MICALL2: variants seen among roughly 807,000 people sequenced by gnomAD.
MICALL2 encodes MICAL like 2.
A neutral mutation model predicts 91.1 loss-of-function variants in MICALL2; 111 were observed. The ratio of observed to expected loss-of-function variants is 1.22; its 90% CI spans 1.04 to 1.43. The LOEUF (loss-of-function observed/expected upper bound fraction) is 1.43, where lower values mean the gene tolerates loss of function less well. MICALL2 is among the 40% of genes most tolerant of loss of function. MICALL2 has a pLI of 0.00. For synonymous variants in MICALL2, 694 were observed against 525.3 expected, an observed-to-expected ratio of 1.32 and a Z score of -4.39; for missense variants, 1,556 against 1,236.0, an observed-to-expected ratio of 1.26 and a Z score of -3.88.
intron 9 of MICALL2, 90 bp downstream of exon 9, chr7:1,439,835 G>T: frequency 2.6e-6 from 3 of 1,151,284 alleles, no homozygotes; most frequent in Non-Finnish European, 2.3e-6. Flanking sequence ...ACCCCAGGAG[G>T]TGGCACTACA....
At chr7:1,439,347 TGC>T in intron 9 of MICALL2, 1 of 260,948 alleles carries the variant, frequency 3.8e-6, no homozygotes, top group Non-Finnish European at 7.3e-6. Flanking sequence ...TGGACACACA[TGC>T]ATCACATTCA....
At chr7:1,437,284 G>A (rs1003271585) in intron 14 of MICALL2, 3 of 514,200 alleles carry the variant, frequency 5.8e-6, no homozygotes, top group Non-Finnish European at 1.0e-5. Flanking sequence ...CACAACAGCT[G>A]CGTGAGGTGG....
At position 1,434,571 on chromosome 7, in the gene MICALL2, G is replaced by A; in HGVS notation, c.*25C>T. 5 of 1,594,700 alleles carry A rather than the reference G, an allele frequency of 3.1e-6. No homozygotes were observed. Among genetic ancestry groups the A allele is most frequent in the Non-Finnish European group, 4.3e-6 (5 of 1,162,676 alleles). On this transcript the variant is annotated 3_prime_UTR_variant, in exon 17 of 17. Coordinates refer to ENST00000297508, the MANE Select transcript of MICALL2 (RefSeq NM_182924.4). ...GTCCAAGTCCGGATGCCAGGTCCGG[G>A]CCGAGCCCACGGCCCTACTGGCTAC...
At chr7:1,444,489 C>T (rs1176698007) in intron 6 of MICALL2, among the ~76,000 whole-genome samples, 163 bp downstream of exon 6, 3 of 152,220 alleles carry the variant, frequency 2.0e-5, no homozygotes, top group Non-Finnish European at 4.4e-5. Flanking sequence ...CACCCTGGCT[C>T]CTCCTCCCCA....
intron 10 of MICALL2, chr7:1,438,578 C>T: frequency 2.1e-6 from 3 of 1,422,880 alleles, no homozygotes; most frequent in Non-Finnish European, 1.8e-6. Context: ...AGGTCAGCAA[C>T]ACCCCAGCCA....
Position 1,447,688 on chromosome 7 carries a change from C to T in MICALL2, c.412G>A (p.Ala138Thr), listed in dbSNP as rs1207396347. The change falls in exon 4 of 17, where the codon GCG (alanine) becomes ACG (threonine). Residue 138 changes from alanine (A) to threonine (T), a missense_variant. Physicochemically the swap from Ala to Thr is moderately conservative, Grantham distance 58 (BLOSUM62 0). Transcript: ENST00000297508. ...EPSGKKAPVQ[A>T]AKLPSPAPAR... ...GGGGCGGGCGAGGGCAGCTTGGCCG[C>T]CTGGACTGGAGCCTTCTTCCCTGAC... The T allele has an allele frequency of 1.8e-5, 29 of 1,581,506 alleles. No individual in the cohort carries two copies. The Admixed American group carries it at 4.5e-4, about 25-fold the overall frequency.
At chr7:1,458,576 C>T (rs951243595) in intron 1 of MICALL2, among the ~76,000 whole-genome samples, 3 of 152,384 alleles carry the variant, frequency 2.0e-5, no homozygotes, top group East Asian at 3.9e-4. Context: ...ACGCCAAGAC[C>T]CTCCTGGGGA....
chr7:1,447,743 C>G lies in MICALL2; in HGVS notation c.357G>C (p.Lys119Asn). The G allele has an allele frequency of 6.4e-7, 1 of 1,552,398 alleles. No homozygotes were observed. Among genetic ancestry groups the G allele is most frequent in the African/African-American group, 1.4e-5 (1 of 73,470 alleles). ...RSPIGGMAGV[K>N]RASEDSEEEP... Reference sequence around the variant, plus strand: ...CCTCCTCAGAGTCCTCCGAGGCCCTCTTCACGCCTGCCATGCCCCCAACTG... The same window carrying G: ...CCTCCTCAGAGTCCTCCGAGGCCCTGTTCACGCCTGCCATGCCCCCAACTG... Residue 119 changes from lysine to asparagine, a missense_variant, in exon 4 of 17, where the codon AAG becomes AAC. By Grantham distance (94) the Lys-to-Asn change is moderately conservative. Coordinates refer to ENST00000297508, the MANE Select transcript of MICALL2 (RefSeq NM_182924.4).
rs80020804 is a variant in MICALL2, at chr7:1,444,951, C to T, written c.1119G>A (p.Pro373=). ...AVPPSAPDPR[P]ATPQGGGAPR... is the part of the protein sequence containing the mutation. ...GGGCTCCCCCACCCTGGGGTGTGGC[C>T]GGGCGAGGGTCTGGGGCACTCGGGG... is the stretch of plus-strand genomic sequence containing the variant. Residue 373 remains proline, a synonymous_variant, in exon 6 of 17, where the codon CCG becomes CCA. Transcript: ENST00000297508. The T allele has an allele frequency of 0.084, 127,140 of 1,509,982 alleles. 6,340 individuals carry two copies. Among genetic ancestry groups the T allele is most frequent in the Admixed American group, 0.23 (11,154 of 48,290 alleles). The allele number at this position is 1,509,982 out of a possible 1,614,324, so 93.5% of individuals were successfully genotyped here. A position where few individuals can be genotyped will look rare whatever the true frequency, so the allele number is the denominator to read the frequency against.
In MICALL2 at chr7:1,437,723, C is replaced by T. The variant is rs1011750556; in HGVS notation, c.2403-115G>A. 9.2e-6 allele frequency: 12 copies of T among 1,308,756 alleles called. No individual in the cohort carries two copies. The Admixed American group carries it at 1.0e-4, about 11-fold the overall frequency. 81.1% of individuals were successfully genotyped at this position (1,308,756 alleles called of 1,614,324 possible). ...ACACAGACACGAGTCTGAGGCCTGA[C>T]TCGCCGCCCGTCCCCCGCCTGGCCC... On this transcript the variant is annotated intron_variant, in intron 13 of 16. Transcript: ENST00000297508.
Position 1,442,300 on chromosome 7 carries a change from C to A in MICALL2, c.1603G>T (p.Gly535Cys). 6.2e-7 allele frequency: 1 copy of A among 1,613,166 alleles called. No individual in the cohort carries two copies. The highest frequency in any genetic ancestry group is 2.2e-5 in the East Asian group (1 of 44,886). The change falls in exon 7 of 17, where the codon GGC (glycine) becomes TGC (cysteine). Residue 535 changes from glycine to cysteine, a missense_variant. Coordinates refer to ENST00000297508, the MANE Select transcript of MICALL2 (RefSeq NM_182924.4). ...TSQASALPPAGRRNLAESSGV... is the reference protein window; with the variant it reads ...TSQASALPPACRRNLAESSGV... ...GAGGATTCCGCCAAGTTCCTCCTGC[C>A]TGCCGGGGGCAACGCGGATGCCTGA...
At chr7:1,454,577 C>G (rs988391425) in intron 1 of MICALL2, among the ~76,000 whole-genome samples, 1 of 152,178 alleles carries the variant, frequency 6.6e-6, no homozygotes, top group African/African-American at 2.4e-5. Context: ...GGTGGACAGG[C>G]AGCCCCCTCC....
chr7:1,435,227 G>A, intron 15 of MICALL2, 80 bp from the exon 16 acceptor site: 2 of 1,466,478 alleles, frequency 1.4e-6, no homozygotes, highest in South Asian at 1.1e-5. Context: ...GTCTCCAGCA[G>A]TGGCACCCCA....
At position 1,440,673 on chromosome 7, in the gene MICALL2, T is replaced by C; in HGVS notation, c.1723A>G (p.Ser575Gly). 2 of 1,611,806 alleles carry C rather than the reference T, an allele frequency of 1.2e-6. No individual in the cohort carries two copies. Among genetic ancestry groups the C allele is most frequent in the Non-Finnish European group, 8.5e-7 (1 of 1,179,758 alleles). ...STTLTQDMST[S>G]LQEGQEDGPA... ...CCGTCCTCCTGGCCTTCCTGGAGGC[T>C]GGTGCTCATGTCTGGGTGGGAGGCA... Residue 575 changes from serine to glycine, a missense_variant, in exon 8 of 17, where the codon AGC becomes GGC. Coordinates refer to ENST00000297508, the MANE Select transcript of MICALL2 (RefSeq NM_182924.4).
Position 1,438,832 on chromosome 7 carries a change from G to T in MICALL2, c.2122+8C>A. On this transcript the variant is annotated splice_region_variant and intron_variant, in intron 10 of 16. Transcript: ENST00000297508. The stretch of plus-strand genomic sequence containing the variant: ...ACCCCAAACAGCAGCGGTGTCTCTG[G>T]GGCTGACCTGGTTTGCCCTGAAGGT... 6.3e-7 allele frequency: 1 copy of T among 1,598,396 alleles called. No individual in the cohort carries two copies. The highest frequency in any genetic ancestry group is 8.5e-7 in the Non-Finnish European group (1 of 1,170,474).
At chr7:1,440,453 G>T in intron 8 of MICALL2, 138 bp downstream of exon 8, 1 of 781,126 alleles carries the variant, frequency 1.3e-6, no homozygotes. Flanking sequence ...CTCAGGCAGG[G>T]GTGACCTGGC....
At chr7:1,435,307 C>T (rs1255573330) in intron 15 of MICALL2, among the ~76,000 whole-genome samples, 160 bp from the exon 16 acceptor site, 1 of 152,242 alleles carries the variant, frequency 6.6e-6, no homozygotes, top group African/African-American at 2.4e-5. Flanking sequence ...GGAACCCTGC[C>T]CCCACCAATG....
chr7:1,441,971 G>A (rs1780301580), intron 7 of MICALL2: 2 of 599,196 alleles, frequency 3.3e-6, no homozygotes, highest in Non-Finnish European at 5.8e-6. Flanking sequence ...TGGGCTGGGT[G>A]CCGGCAAACA....
Position 1,437,978 on chromosome 7 carries a change from C to CAT in MICALL2, c.2312_2313dup (p.Asp772MetfsTer22). On this transcript the variant is annotated frameshift_variant and splice_region_variant, in exon 13 of 17. Transcript: ENST00000297508. LOFTEE classifies it high-confidence loss of function. Reference sequence around the variant, plus strand: ...TCCACCATGAGGCTATCCTCAGCGTCATCTGGGGAGAGGAGCCAGCTGGGG... The same window carrying CAT: ...TCCACCATGAGGCTATCCTCAGCGTCATATCTGGGGAGAGGAGCCAGCTGGGG... The CAT allele has an allele frequency of 6.4e-7, 1 of 1,550,684 alleles. No individual in the cohort carries two copies. The highest frequency in any genetic ancestry group is 1.2e-5 in the South Asian group (1 of 84,106).
Sources: allele counts gnomAD v4.1 joint callset (sites outside exome capture counted in the v4.1 genomes callset), GRCh38; gene constraint gnomAD v4.1.1; transcripts MANE v1.5; gene names NCBI Gene and HGNC (gene_info 2026-07-23, HGNC 2026-07-21).